The following RALYL variants were observed in gnomAD, a reference collection of about 807,000 sequenced individuals.
The protein encoded by RALYL is RNA-binding Raly-like protein.
A neutral mutation model predicts 35.1 loss-of-function variants in RALYL; 29 were observed. That is an observed-to-expected ratio of 0.83 (90% confidence interval 0.61 to 1.13). The LOEUF is 1.13. Among genes scored for constraint, RALYL ranks in the 50% most tolerant of loss-of-function variants. The pLI is 0.00. For missense variants in RALYL, 359 were observed against 360.4 expected (o/e 1.00, Z 0.03); for synonymous variants, 120 against 127.6 (o/e 0.94, Z 0.40).
chr8:84,597,844 C>G (rs1814947061), intron 2 of RALYL, among the ~76,000 whole-genome samples: 1 of 152,138 alleles, frequency 6.6e-6, no homozygotes, highest in South Asian at 2.1e-4. Context: ...TCAATAGTTG[C>G]AACAGAGATC....
At chr8:84,599,936 T>C (rs1490570067) in intron 2 of RALYL, among the ~76,000 whole-genome samples, 1 of 150,906 alleles carries the variant, frequency 6.6e-6, no homozygotes, top group Admixed American at 6.6e-5. Context: ...TTTTTTCTTC[T>C]GCCATTATCT....
intron 1 of RALYL, among the ~76,000 whole-genome samples, chr8:84,487,788 G>T (rs1465888268): frequency 6.6e-6 from 1 of 152,034 alleles, no homozygotes; most frequent in Non-Finnish European, 1.5e-5. Context: ...AGAATTTGGT[G>T]TTAAAGTTTA....
Position 84,277,684 on chromosome 8 carries a change from G to A in RALYL, c.-24+93260G>A, listed in dbSNP as rs182990792. On this transcript the variant is annotated intron_variant, in intron 1 of 8. Transcript: ENST00000521268. ...TTGGATAAATACACCTATTTTAAAT[G>A]GGAGAAATTGGCCACAACACAGGGA... 1.1e-3 allele frequency among the ~76,000 whole-genome samples: 162 copies of A among 152,320 alleles called. 1 individual carries two copies. The highest frequency in any genetic ancestry group is 3.5e-3 in the African/African-American group (146 of 41,572).
At chr8:84,913,610 A>G (rs1369369328) in intron 8 of RALYL, among the ~76,000 whole-genome samples, 1 of 152,046 alleles carries the variant, frequency 6.6e-6, no homozygotes, top group Non-Finnish European at 1.5e-5. Context: ...ATCATTCATA[A>G]AACAGATTAA....
Position 84,301,327 on chromosome 8 carries a change from A to C in RALYL, c.-24+116903A>C, listed in dbSNP as rs1174519512. On this transcript the variant is annotated intron_variant, in intron 1 of 8. Coordinates refer to ENST00000521268, the MANE Select transcript of RALYL (RefSeq NM_173848.7). ...TGCCTTAAAAAAAATTTTTTTTTAC[A>C]TGTTGACCTTGGAGAATATGATGAC... is the stretch of plus-strand genomic sequence containing the variant. Among the ~76,000 whole-genome samples, 5 of 152,034 alleles carry C rather than the reference A, an allele frequency of 3.3e-5. No homozygotes were observed. The East Asian group carries it at 9.7e-4, about 29-fold the overall frequency.
In RALYL at chr8:84,379,861, C is replaced by CA. The variant is rs201626471; in HGVS notation, c.-23-149426dup. On this transcript the variant is annotated intron_variant, in intron 1 of 8. Transcript: ENST00000521268. ...TCTTAGCTTTGGTTTCTCTCAAGCT[C>CA]AAAAAAAAAAAAGAAAAAAACTGTA... Among the ~76,000 whole-genome samples the CA allele has an allele frequency of 6.3e-3, 802 of 126,404 alleles. 6 individuals are homozygous for CA. In the East Asian group the frequency reaches 0.066, roughly 10 times the overall value. 82.9% of individuals were successfully genotyped at this position (126,404 alleles called of 152,430 possible). A position where few individuals can be genotyped will look rare whatever the true frequency, so the allele number is the denominator to read the frequency against.
chr8:84,464,746 C>T (rs1175489844), intron 1 of RALYL, among the ~76,000 whole-genome samples: 1 of 151,566 alleles, frequency 6.6e-6, no homozygotes, highest in East Asian at 1.9e-4. Flanking sequence ...AACTAGTTTA[C>T]AGTCCCACCA....
At chr8:84,913,040 G>GTAGGTAGATAGATAGATAGATAGATAGA (rs372305617) in intron 8 of RALYL, among the ~76,000 whole-genome samples, 49 of 130,140 alleles carry the variant, frequency 3.8e-4, no homozygotes, top group African/African-American at 4.2e-4. Flanking sequence ...GGATAGGTAG[G>GTAGGTAGATAGATAGATAGATAGATAGA]TAGATAGATA....
intron 2 of RALYL, among the ~76,000 whole-genome samples, chr8:84,753,034 G>A (rs1265830466): frequency 1.3e-5 from 2 of 152,136 alleles, no homozygotes; most frequent in African/African-American, 2.4e-5. Flanking sequence ...AAAACCCATG[G>A]GCACTCAGTT....
chr8:84,292,607 G>A (rs1221706093), intron 1 of RALYL, among the ~76,000 whole-genome samples: 1 of 152,094 alleles, frequency 6.6e-6, no homozygotes, highest in Non-Finnish European at 1.5e-5. Context: ...CAGTAAAGAA[G>A]CTGGCCAAAA....
intron 2 of RALYL, among the ~76,000 whole-genome samples, chr8:84,738,539 T>C (rs1589280505): frequency 1.3e-5 from 2 of 152,094 alleles, no homozygotes; most frequent in East Asian, 3.9e-4. Flanking sequence ...CTTTCTTATT[T>C]TTTACTTTTA....
At chr8:84,719,796 C>T (rs989193498) in intron 2 of RALYL, among the ~76,000 whole-genome samples, 1 of 151,974 alleles carries the variant, frequency 6.6e-6, no homozygotes, top group Non-Finnish European at 1.5e-5. Context: ...ATTCAAAATT[C>T]TCTCTTCCAC....
rs933301844 is a variant in RALYL at position 84,261,639 on chromosome 8, G to GT, written c.-24+77223dup. Among the ~76,000 whole-genome samples the GT allele has an allele frequency of 2.3e-4, 35 of 151,992 alleles. 1 individual carries two copies. The highest frequency in any genetic ancestry group is 1.6e-3 in the Admixed American group (25 of 15,254). The stretch of plus-strand genomic sequence containing the variant: ...GATATAAATATTTAACAAATGTTCA[G>GT]TTTTTTTTCTATAGAACACTATTTT... On this transcript the variant is annotated intron_variant, in intron 1 of 8. Transcript: ENST00000521268.
chr8:84,794,988 T>A (rs933984165), intron 3 of RALYL, among the ~76,000 whole-genome samples: 1 of 152,208 alleles, frequency 6.6e-6, no homozygotes, highest in South Asian at 2.1e-4. Flanking sequence ...CATTAACCTG[T>A]CCCTGGAGTT....
intron 2 of RALYL, among the ~76,000 whole-genome samples, chr8:84,694,087 A>G (rs1838644915): frequency 6.6e-6 from 1 of 151,932 alleles, no homozygotes; most frequent in Admixed American, 6.6e-5. Flanking sequence ...TCTATGCAAC[A>G]TAGCACTGGA....
At chr8:84,900,955 C>T (rs1845578548) in intron 8 of RALYL, among the ~76,000 whole-genome samples, 1 of 152,048 alleles carries the variant, frequency 6.6e-6, no homozygotes, top group South Asian at 2.1e-4. Context: ...TGGAAAAGTA[C>T]TGGAGGATGG....
chr8:84,840,586 G>A (rs1456879024), intron 4 of RALYL, among the ~76,000 whole-genome samples: 3 of 152,172 alleles, frequency 2.0e-5, no homozygotes, highest in East Asian at 3.9e-4. Context: ...AGCAAGGCAG[G>A]CCAACATTCA....
At chr8:84,410,141 GA>G in intron 1 of RALYL, among the ~76,000 whole-genome samples, 1 of 151,820 alleles carries the variant, frequency 6.6e-6, no homozygotes, top group Non-Finnish European at 1.5e-5. Context: ...TGTTAAACAT[GA>G]AAAATACTCT....
chr8:84,400,187 A>G (rs1440986705), intron 1 of RALYL, among the ~76,000 whole-genome samples: 1 of 152,192 alleles, frequency 6.6e-6, no homozygotes, highest in East Asian at 1.9e-4. Context: ...GTATATACAC[A>G]ATGAAATATG....
Sources: allele counts gnomAD v4.1 joint callset (sites outside exome capture counted in the v4.1 genomes callset), GRCh38; gene constraint gnomAD v4.1.1; transcripts MANE v1.5; gene names NCBI Gene and HGNC (gene_info 2026-07-23, HGNC 2026-07-21).